ZPBP: variants seen among roughly 807,000 people sequenced by gnomAD.
ZPBP encodes zona pellucida-binding protein 1.
Under a neutral mutation model 44.8 loss-of-function variants are expected in ZPBP, and 26 were observed. The observed-to-expected ratio is 0.58, with a 90% CI of 0.43 to 0.81. The LOEUF (loss-of-function observed/expected upper bound fraction) is 0.81, where lower values mean the gene tolerates loss of function less well. ZPBP is among the 30% of genes least tolerant of loss of function. ZPBP has a pLI of 0.00. For missense variants in ZPBP, 409 were observed against 434.0 expected (o/e 0.94, Z 0.51); for synonymous variants, 174 against 153.2 (o/e 1.14, Z -1.00).
intron 7 of ZPBP, among the ~76,000 whole-genome samples, chr7:49,954,564 TAAG>T (rs1562798397): frequency 1.3e-5 from 2 of 151,990 alleles, no homozygotes; most frequent in Non-Finnish European, 2.9e-5. Flanking sequence ...ACACTAAACA[TAAG>T]AAAGCTGGAA....
intron 1 of ZPBP, among the ~76,000 whole-genome samples, chr7:49,908,802 T>C (rs889836470): frequency 6.6e-6 from 1 of 152,184 alleles, no homozygotes; most frequent in African/African-American, 2.4e-5. Context: ...GAGAGCTAGC[T>C]TGAAGTCCAG....
intron 2 of ZPBP, among the ~76,000 whole-genome samples, chr7:49,867,642 T>A (rs1317885772): frequency 6.6e-6 from 1 of 152,176 alleles, no homozygotes; most frequent in African/African-American, 2.4e-5. Context: ...CCTCCTGAAC[T>A]CTAGCACCTG....
intron 2 of ZPBP, among the ~76,000 whole-genome samples, chr7:50,088,230 A>G (rs1191535033): frequency 2.0e-5 from 3 of 152,054 alleles, no homozygotes; most frequent in East Asian, 3.8e-4. Context: ...GCCATGTGCT[A>G]AAGAATGAGC....
chr7:50,057,408 T>A (rs549522382), intron 4 of ZPBP, among the ~76,000 whole-genome samples: 1 of 152,232 alleles, frequency 6.6e-6, no homozygotes, highest in East Asian at 1.9e-4. Context: ...TCAAAAACTC[T>A]TAGTCTGTAA....
At chr7:50,077,267 T>G (rs986107811) in intron 3 of ZPBP, among the ~76,000 whole-genome samples, 1 of 151,912 alleles carries the variant, frequency 6.6e-6, no homozygotes, top group African/African-American at 2.4e-5. Context: ...ATTAAAGAGT[T>G]AAATCTAATA....
chr7:49,853,441 C>T (rs1033322136), intron 2 of ZPBP, among the ~76,000 whole-genome samples: 5 of 152,112 alleles, frequency 3.3e-5, no homozygotes, highest in South Asian at 4.1e-4. Flanking sequence ...TGCTGGGCAT[C>T]GGGGCATATT....
At chr7:50,081,652 G>T in intron 3 of ZPBP, 122 bp downstream of exon 3, 1 of 1,261,048 alleles carries the variant, frequency 7.9e-7, no homozygotes, top group Non-Finnish European at 1.1e-6. Flanking sequence ...ACTCCAAAAG[G>T]AAATCACAAG....
At chr7:49,992,541 T>G (rs935095904) in intron 6 of ZPBP, among the ~76,000 whole-genome samples, 5 of 151,760 alleles carry the variant, frequency 3.3e-5, no homozygotes, top group African/African-American at 1.2e-4. Context: ...AAGATAATAT[T>G]CAACATGAAA....
At chr7:49,991,574 T>G (rs1304169507) in intron 6 of ZPBP, among the ~76,000 whole-genome samples, 1 of 152,154 alleles carries the variant, frequency 6.6e-6, no homozygotes, top group Non-Finnish European at 1.5e-5. Flanking sequence ...AATCCATTCT[T>G]CCTTTGTTTT....
intron 4 of ZPBP, among the ~76,000 whole-genome samples, chr7:50,033,250 T>A (rs1385983967): frequency 6.6e-6 from 1 of 152,194 alleles, no homozygotes; most frequent in Non-Finnish European, 1.5e-5. Context: ...GTTATTTGCA[T>A]AACATTAATA....
intron 2 of ZPBP, among the ~76,000 whole-genome samples, chr7:49,896,426 C>T (rs1032541472): frequency 1.3e-5 from 2 of 152,110 alleles, no homozygotes; most frequent in Non-Finnish European, 2.9e-5. Flanking sequence ...GAAATGCTCA[C>T]ATTAGAAAAG....
intron 1 of ZPBP, chr7:49,917,181 A>G (rs1793768999): frequency 6.6e-6 from 1 of 152,238 alleles, no homozygotes; most frequent in Non-Finnish European, 1.5e-5. Context: ...TCATTTGTAC[A>G]GAAATATAGT....
chr7:50,052,775 A>G (rs1800756372), intron 4 of ZPBP, among the ~76,000 whole-genome samples: 2 of 152,220 alleles, frequency 1.3e-5, no homozygotes, highest in Non-Finnish European at 2.9e-5. Flanking sequence ...GCAATAAGAA[A>G]GAGTGTGTGA....
intron 3 of ZPBP, among the ~76,000 whole-genome samples, chr7:50,069,185 A>C (rs1262153087): frequency 6.6e-6 from 1 of 152,192 alleles, no homozygotes; most frequent in African/African-American, 2.4e-5. Flanking sequence ...CCTTAGAGGC[A>C]GTTAGCCTGG....
intron 7 of ZPBP, among the ~76,000 whole-genome samples, chr7:49,969,599 T>C (rs1036507680): frequency 3.6e-4 from 55 of 151,250 alleles, no homozygotes; most frequent in African/African-American, 1.2e-3. Flanking sequence ...TTAAGGTGGC[T>C]GGCATAAAGT....
chr7:49,928,452 A>T (rs1284834967), intron 1 of ZPBP, among the ~76,000 whole-genome samples: 1 of 152,180 alleles, frequency 6.6e-6, no homozygotes, highest in Non-Finnish European at 1.5e-5. Flanking sequence ...AGACTGGTGT[A>T]CTTCTCAGAG....
chr7:50,072,291 G>T (rs1188562804), intron 3 of ZPBP, among the ~76,000 whole-genome samples: 2 of 152,198 alleles, frequency 1.3e-5, no homozygotes, highest in African/African-American at 4.8e-5. Flanking sequence ...GGGTAGAATG[G>T]GAAGGAGTGT....
At chr7:50,070,409 T>C (rs4917111) in intron 3 of ZPBP, among the ~76,000 whole-genome samples, 126,295 of 152,192 alleles carry the variant, frequency 0.83, 52,448 homozygotes, top group East Asian at 0.88. Context: ...GCCCCGTACC[T>C]GGTTCTGCTG....
chr7:49,981,628 T>A, intron 7 of ZPBP, among the ~76,000 whole-genome samples: 4 of 41,612 alleles, frequency 9.6e-5, no homozygotes, highest in Non-Finnish European at 1.5e-4. Context: ...TATATTATAT[T>A]ATATTATATA....
Sources: allele counts gnomAD v4.1 joint callset (sites outside exome capture counted in the v4.1 genomes callset), GRCh38; gene constraint gnomAD v4.1.1; transcripts MANE v1.5; gene names NCBI Gene and HGNC (gene_info 2026-07-23, HGNC 2026-07-21).